Variants in UNC5C observed in about 807,000 individuals in gnomAD.
UNC5C encodes netrin receptor UNC5C.
A neutral mutation model predicts 99.8 loss-of-function variants in UNC5C; 47 were observed. The observed-to-expected ratio is 0.47, with a 90% CI of 0.37 to 0.60. The LOEUF (loss-of-function observed/expected upper bound fraction) is 0.60. UNC5C is among the 20% of genes least tolerant of loss of function. The pLI is 0.00. For synonymous variants in UNC5C, 487 were observed against 452.2 expected (o/e 1.08, Z -0.98); for missense variants, 1,062 against 1,165.9 (o/e 0.91, Z 1.30).
chr4:95,434,179 TGCAGATA>T (rs1229396501), intron 1 of UNC5C, among the ~76,000 whole-genome samples: 2 of 152,162 alleles, frequency 1.3e-5, no homozygotes, highest in Non-Finnish European at 2.9e-5. Context: ...GGAAACAGGA[TGCAGATA>T]GCAGTTGACT....
chr4:95,430,017 T>C (rs934456538), intron 1 of UNC5C, among the ~76,000 whole-genome samples: 5 of 151,976 alleles, frequency 3.3e-5, no homozygotes, highest in Admixed American at 2.0e-4. Context: ...GAGGGAGAGA[T>C]GAACTGGTAG....
chr4:95,256,123 A>T (rs1739968998), intron 4 of UNC5C, among the ~76,000 whole-genome samples: 1 of 151,830 alleles, frequency 6.6e-6, no homozygotes, highest in Non-Finnish European at 1.5e-5. Flanking sequence ...TTAGGCTAAC[A>T]TTTGTGTCCC....
intron 7 of UNC5C, among the ~76,000 whole-genome samples, chr4:95,226,818 A>C (rs1345149613): frequency 6.6e-6 from 1 of 152,042 alleles, no homozygotes; most frequent in Non-Finnish European, 1.5e-5. Context: ...TGGGGTAGGG[A>C]TGGTGTTTTT....
intron 12 of UNC5C, among the ~76,000 whole-genome samples, chr4:95,192,936 C>T (rs888509917): frequency 9.2e-5 from 14 of 152,218 alleles, no homozygotes; most frequent in African/African-American, 3.4e-4. Flanking sequence ...TCTCCAACTA[C>T]TTTTCTGTCT....
chr4:95,301,906 A>G (rs1353263155), intron 2 of UNC5C, among the ~76,000 whole-genome samples, 157 bp from the exon 3 acceptor site: 1 of 152,196 alleles, frequency 6.6e-6, no homozygotes, highest in East Asian at 1.9e-4. Context: ...TTCTCGTTCC[A>G]GTTATTTTAC....
intron 1 of UNC5C, among the ~76,000 whole-genome samples, chr4:95,454,608 C>T (rs1164278943): frequency 6.6e-6 from 1 of 151,962 alleles, no homozygotes; most frequent in Non-Finnish European, 1.5e-5. Flanking sequence ...GGCAGCTTTG[C>T]AAGAAAACAA....
In UNC5C at chr4:95,170,139, C is replaced by T. The variant is rs1393540122; in HGVS notation, c.2630+15G>A. The T allele has an allele frequency of 4.3e-6, 7 of 1,611,360 alleles. No individual in the cohort carries two copies. Among genetic ancestry groups the T allele is most frequent in the African/African-American group, 1.3e-5 (1 of 74,846 alleles). On this transcript the variant is annotated intron_variant, in intron 15 of 15. Coordinates refer to ENST00000453304, the MANE Select transcript of UNC5C (RefSeq NM_003728.4). ...TAACAGAAAGAAGCTAGTCTTGGGGCCAGACCATACCCACCTGTCCAGGTT... is the reference window on the plus strand; with the variant it reads ...TAACAGAAAGAAGCTAGTCTTGGGGTCAGACCATACCCACCTGTCCAGGTT...
chr4:95,309,441 T>A, intron 2 of UNC5C, among the ~76,000 whole-genome samples: 1 of 151,256 alleles, frequency 6.6e-6, no homozygotes, highest in African/African-American at 2.4e-5. Flanking sequence ...TAGGAATACA[T>A]CAAACTAAAA....
rs77754594 is a variant in UNC5C, at chr4:95,188,119, T to C, written c.2137-2923A>G. ...CATAAAGCTAAGTACTAATACTGTA[T>C]TTTTTTTGGTCCCAGTGGTTCACTG... On this transcript the variant is annotated intron_variant, in intron 12 of 15. Coordinates refer to ENST00000453304, the MANE Select transcript of UNC5C (RefSeq NM_003728.4). Among the ~76,000 whole-genome samples, 339 of 152,032 alleles carry C rather than the reference T, an allele frequency of 2.2e-3. 2 individuals carry two copies. Among genetic ancestry groups the C allele is most frequent in the African/African-American group, 7.7e-3 (319 of 41,478 alleles).
At chr4:95,446,244 T>A (rs376566475) in intron 1 of UNC5C, among the ~76,000 whole-genome samples, 5 of 151,524 alleles carry the variant, frequency 3.3e-5, no homozygotes, top group African/African-American at 1.2e-4. Context: ...AGGCAAGCTG[T>A]AAAGACAGAG....
chr4:95,182,407 G>A (rs1736647916), intron 14 of UNC5C, among the ~76,000 whole-genome samples: 1 of 152,052 alleles, frequency 6.6e-6, no homozygotes, highest in African/African-American at 2.4e-5. Context: ...TCCTTTGAAT[G>A]GAGAAGAAGA....
chr4:95,431,442 A>C (rs1345868344), intron 1 of UNC5C, among the ~76,000 whole-genome samples: 3 of 152,144 alleles, frequency 2.0e-5, no homozygotes, highest in Admixed American at 6.6e-5. Flanking sequence ...TTCTAACTTC[A>C]GAAACACTAG....
intron 6 of UNC5C, among the ~76,000 whole-genome samples, chr4:95,242,916 G>A (rs1411555142): frequency 6.6e-6 from 1 of 152,106 alleles, no homozygotes; most frequent in Non-Finnish European, 1.5e-5. Context: ...GGGAGCTTCT[G>A]GGTTTTGTAT....
At chr4:95,255,867 A>G (rs772864038) in intron 4 of UNC5C, among the ~76,000 whole-genome samples, 4 of 151,966 alleles carry the variant, frequency 2.6e-5, no homozygotes, top group Non-Finnish European at 4.4e-5. Flanking sequence ...ACTCCTTGGA[A>G]TAGTTGTTTA....
At chr4:95,193,305 G>A (rs956508774) in intron 12 of UNC5C, among the ~76,000 whole-genome samples, 2 of 152,218 alleles carry the variant, frequency 1.3e-5, no homozygotes, top group African/African-American at 4.8e-5. Context: ...CGAAGCAGTG[G>A]CCAGCCTGGC....
At chr4:95,439,634 CA>C (rs1241908413) in intron 1 of UNC5C, among the ~76,000 whole-genome samples, 4 of 152,034 alleles carry the variant, frequency 2.6e-5, no homozygotes, top group African/African-American at 7.2e-5. Flanking sequence ...GTATAAAAAG[CA>C]TCATTTCCCA....
At chr4:95,232,336 TTAGAA>T (rs1738945086) in intron 7 of UNC5C, among the ~76,000 whole-genome samples, 1 of 151,760 alleles carries the variant, frequency 6.6e-6, no homozygotes, top group African/African-American at 2.4e-5. Flanking sequence ...TCAATGCTTC[TTAGAA>T]AAGAAAAATA....
chr4:95,505,252 G>A (rs1425314839), intron 1 of UNC5C, among the ~76,000 whole-genome samples: 1 of 152,064 alleles, frequency 6.6e-6, no homozygotes, highest in Non-Finnish European at 1.5e-5. Flanking sequence ...AATAGAACTA[G>A]GCAAACAAGA....
chr4:95,368,297 G>GAGAA (rs1744635288), intron 1 of UNC5C, among the ~76,000 whole-genome samples: 1 of 133,786 alleles, frequency 7.5e-6, no homozygotes, highest in East Asian at 2.2e-4. Context: ...CATCTTTTTT[G>GAGAA]AAAAAAAAAA....
Sources: gnomAD v4.1 joint callset for allele counts (sites outside exome capture counted in the v4.1 genomes callset) on GRCh38, gnomAD v4.1.1 for gene constraint, MANE v1.5 for transcripts, NCBI Gene and HGNC (gene_info 2026-07-23, HGNC 2026-07-21) for gene names.